The following PIEZO2 variants were observed in gnomAD, a reference collection of about 807,000 sequenced individuals.
PIEZO2 encodes piezo type mechanosensitive ion channel component 2, also known as piezo-type mechanosensitive ion channel component 2.
PIEZO2 carries 172 observed loss-of-function variants against 337.3 expected under a neutral mutation model. That is an observed-to-expected ratio of 0.51 (90% confidence interval 0.45 to 0.58). PIEZO2 has a LOEUF of 0.58. Ranked by LOEUF, PIEZO2 falls within the 20% of genes least tolerant of loss-of-function variation. PIEZO2 has a pLI of 0.00. For missense variants in PIEZO2, 3,028 were observed against 3,391.3 expected (o/e 0.89, Z 2.66); for synonymous variants, 1,251 against 1,228.5 (o/e 1.02, Z -0.38).
chr18:10,683,318 C>G (rs2034360589), intron 49 of PIEZO2, among the ~76,000 whole-genome samples: 1 of 152,240 alleles, frequency 6.6e-6, no homozygotes, highest in South Asian at 2.1e-4. Context: ...AGCCTGGACA[C>G]TAAGTGCCAA....
At chr18:11,018,382 C>CGTGTGT (rs376013388) in intron 2 of PIEZO2, among the ~76,000 whole-genome samples, 2,706 of 114,160 alleles carry the variant, frequency 0.024, 81 homozygotes, top group East Asian at 0.026. Flanking sequence ...CCCAACATGT[C>CGTGTGT]GTGTGTGTGT....
rs1255399375 is a variant in PIEZO2, at chr18:11,118,933, TAG to T, written c.64+29590_64+29591del. Among the ~76,000 whole-genome samples, 5 of 152,290 alleles carry T rather than the reference TAG, an allele frequency of 3.3e-5. No homozygotes were observed. The East Asian group carries it at 9.6e-4, about 29-fold the overall frequency. On this transcript the variant is annotated intron_variant, in intron 1 of 55. Transcript: ENST00000674853. ...CTTCACCTTCAAAGCAACTGGAACA[TAG>T]AAAATCTATCTTTAGGGACACTTAT...
At chr18:11,051,587 C>G (rs2037539999) in intron 2 of PIEZO2, among the ~76,000 whole-genome samples, 1 of 152,150 alleles carries the variant, frequency 6.6e-6, no homozygotes, top group Non-Finnish European at 1.5e-5. Context: ...CTCCAGCCTG[C>G]AAGAGCACAT....
At chr18:11,118,020 G>T (rs1223221245) in intron 1 of PIEZO2, among the ~76,000 whole-genome samples, 1 of 152,180 alleles carries the variant, frequency 6.6e-6, no homozygotes, top group East Asian at 1.9e-4. Flanking sequence ...AGTTTATGTT[G>T]TCAGCACACA....
At position 10,973,592 on chromosome 18, in the gene PIEZO2, A is replaced by G. The variant is rs1259956166; in HGVS notation, c.286+5943T>C. Among the ~76,000 whole-genome samples, 1 of 152,216 alleles carries G rather than the reference A, an allele frequency of 6.6e-6. No individual in the cohort carries two copies. Among genetic ancestry groups the G allele is most frequent in the African/African-American group, 2.4e-5 (1 of 41,460 alleles). On this transcript the variant is annotated intron_variant, in intron 3 of 55. Coordinates refer to ENST00000674853, the MANE Select transcript of PIEZO2 (RefSeq NM_001378183.1). This position sits in a 1 kb window ranked among gnomAD's most constrained non-coding sequence, Gnocchi z 4.9. ...GATGCACAGGTGGCCAGAAGTAAAG[A>G]TATAGCTTGGACCAGTTTTTTAAAT...
chr18:11,143,629 A>ACTCTCTCTCT lies in PIEZO2; in HGVS notation c.64+4895_64+4896insAGAGAGAGAG, dbSNP rs2040723398. Reference sequence around the variant, plus strand: ...CACACACACACACACACACACACACACACACACACACTCTCTCTCTCTCTC... The same window carrying ACTCTCTCTCT: ...CACACACACACACACACACACACACACTCTCTCTCTCACACACACACTCTCTCTCTCTCTC... On this transcript the variant is annotated intron_variant, in intron 1 of 55. Transcript: ENST00000674853. The surrounding 1 kb of genome is among the most constrained non-coding windows in gnomAD (Gnocchi z 4.9). Among the ~76,000 whole-genome samples, 1 of 87,074 alleles carries ACTCTCTCTCT rather than the reference A, an allele frequency of 1.1e-5. No individual in the cohort carries two copies. The highest frequency in any genetic ancestry group is 6.6e-5 in the African/African-American group (1 of 15,224). The allele number at this position is 87,074 out of a possible 152,430, so 57.1% of individuals were successfully genotyped here. A position where few individuals can be genotyped will look rare whatever the true frequency, so the allele number is the denominator to read the frequency against.
chr18:10,788,092 T>C (rs1270530789), intron 15 of PIEZO2, among the ~76,000 whole-genome samples: 1 of 152,178 alleles, frequency 6.6e-6, no homozygotes. Context: ...TTTAAATTAC[T>C]ATTTTAAAAT....
chr18:10,684,415 T>C (rs2034447158), intron 49 of PIEZO2, among the ~76,000 whole-genome samples: 1 of 150,202 alleles, frequency 6.7e-6, no homozygotes, highest in African/African-American at 2.5e-5. Flanking sequence ...TCTGCCCGCC[T>C]CGGCCTCCCA....
At chr18:11,134,858 A>G (rs1274550275) in intron 1 of PIEZO2, among the ~76,000 whole-genome samples, 1 of 152,164 alleles carries the variant, frequency 6.6e-6, no homozygotes, top group Non-Finnish European at 1.5e-5. Flanking sequence ...TCAAAGTGCT[A>G]CATGAGAAGA....
chr18:11,087,370 C>T (rs535763606), intron 1 of PIEZO2, among the ~76,000 whole-genome samples: 2 of 152,322 alleles, frequency 1.3e-5, no homozygotes, highest in African/African-American at 4.8e-5. Flanking sequence ...AGGGCCAGTC[C>T]ACCTTCTCTG....
rs992556466 is a variant in PIEZO2 at position 10,888,673 on chromosome 18, G to T, written c.330-17258C>A. On this transcript the variant is annotated intron_variant, in intron 4 of 55. Coordinates refer to ENST00000674853, the MANE Select transcript of PIEZO2 (RefSeq NM_001378183.1). This position sits in a 1 kb window ranked among gnomAD's most constrained non-coding sequence, Gnocchi z 4.1. ...TTTCAACTTGAGTTTAACTGCTCAGGATTCTTTCTAGCCTCTGCTTTGTAA... is the reference window on the plus strand; with the variant it reads ...TTTCAACTTGAGTTTAACTGCTCAGTATTCTTTCTAGCCTCTGCTTTGTAA... Among the ~76,000 whole-genome samples, 2 of 151,878 alleles carry T rather than the reference G, an allele frequency of 1.3e-5. No individual in the cohort carries two copies. The highest frequency in any genetic ancestry group is 2.9e-5 in the Non-Finnish European group (2 of 67,984).
At position 10,773,606 on chromosome 18, in the gene PIEZO2, A is replaced by G; in HGVS notation, c.2591T>C (p.Leu864Pro). Residue 864 changes from leucine (L) to proline (P), a missense_variant, in exon 20 of 56, where the codon CTC (leucine) becomes CCC (proline). Around this residue, in one of 5 missense-constraint regions of PIEZO2, gnomAD observed 1,925 missense variants for 2,051.9 expected, o/e 0.94. Transcript: ENST00000674853. The surrounding 1 kb of genome is among the most constrained non-coding windows in gnomAD (Gnocchi z 5.3). Reference protein sequence around the residue: ...QNELAHPEGSLPDLTMMHLTA... With the variant: ...QNELAHPEGSPPDLTMMHLTA... ...CAGATGCATCATGGTGAGGTCCGGG[A>G]GGCTTCCTTCCGGGTGGGCCAGTCT... 1 of 1,537,168 alleles carries G rather than the reference A, an allele frequency of 6.5e-7. No individual in the cohort carries two copies. The highest frequency in any genetic ancestry group is 1.2e-5 in the South Asian group (1 of 84,040).
chr18:10,754,461 C>G (rs1159969420), intron 27 of PIEZO2, among the ~76,000 whole-genome samples: 1 of 152,218 alleles, frequency 6.6e-6, no homozygotes, highest in Non-Finnish European at 1.5e-5. Flanking sequence ...GGTCACTTTT[C>G]TGGCAGTCCT....
chr18:10,992,387 C>T (rs746426298), intron 2 of PIEZO2, among the ~76,000 whole-genome samples: 4 of 152,102 alleles, frequency 2.6e-5, no homozygotes, highest in Non-Finnish European at 5.9e-5. Context: ...GTGCTTAATC[C>T]ATCTTGAGTT....
intron 44 of PIEZO2, 52 bp downstream of exon 44, chr18:10,698,873 C>A: frequency 6.5e-7 from 1 of 1,527,600 alleles, no homozygotes; most frequent in Admixed American, 2.1e-5. Context: ...ACCAGAAAAA[C>A]AAGGCCACCT....
At chr18:10,832,018 C>T (rs955848274) in intron 7 of PIEZO2, among the ~76,000 whole-genome samples, 2 of 152,108 alleles carry the variant, frequency 1.3e-5, no homozygotes, top group East Asian at 1.9e-4. Flanking sequence ...GAGTTGGAGG[C>T]CAGGTGCGGT....
intron 28 of PIEZO2, among the ~76,000 whole-genome samples, chr18:10,752,160 T>C (rs1461019072): frequency 2.0e-5 from 3 of 152,210 alleles, no homozygotes; most frequent in Non-Finnish European, 4.4e-5. Flanking sequence ...CCATTCCACC[T>C]CATTCCCTAC....
intron 5 of PIEZO2, 130 bp downstream of exon 5, chr18:10,871,123 A>G: frequency 4.1e-6 from 4 of 967,294 alleles, no homozygotes; most frequent in Non-Finnish European, 5.9e-6. Flanking sequence ...TTGACAGTAA[A>G]CGTTTATGTC....
intron 4 of PIEZO2, among the ~76,000 whole-genome samples, chr18:10,885,737 C>T (rs1199136863): frequency 2.6e-5 from 4 of 152,114 alleles, no homozygotes; most frequent in Admixed American, 6.5e-5. Flanking sequence ...CAAGTTATTT[C>T]GCTTCTCGCT....
Sources: allele counts gnomAD v4.1 joint callset (sites outside exome capture counted in the v4.1 genomes callset), GRCh38; gene constraint gnomAD v4.1.1; regional missense constraint gnomAD v4.1.1; non-coding constraint Gnocchi (gnomAD v3.1); transcripts MANE v1.5; gene names NCBI Gene and HGNC (gene_info 2026-07-23, HGNC 2026-07-21).